The following FARP1 variants were observed in gnomAD, a reference collection of about 807,000 sequenced individuals.
The protein encoded by FARP1 is FERM, ARH/RhoGEF and pleckstrin domain protein 1.
A neutral mutation model predicts 128.8 loss-of-function variants in FARP1; 52 were observed. The ratio of observed to expected loss-of-function variants is 0.40; its 90% CI spans 0.32 to 0.51. The LOEUF (loss-of-function observed/expected upper bound fraction) is 0.51. FARP1 is among the 20% of genes least tolerant of loss of function. FARP1 has a pLI of 0.45. For synonymous variants in FARP1, 580 were observed against 551.8 expected (o/e 1.05, Z -0.72); for missense variants, 1,333 against 1,367.9 (o/e 0.97, Z 0.40).
chr13:98,185,054 A>G (rs1432788986), intron 1 of FARP1, among the ~76,000 whole-genome samples: 1 of 152,228 alleles, frequency 6.6e-6, no homozygotes, highest in Non-Finnish European at 1.5e-5. Flanking sequence ...GCACATTCCT[A>G]TGTAGTATTG....
intron 6 of FARP1, among the ~76,000 whole-genome samples, chr13:98,379,640 C>T (rs768693327): frequency 1.3e-5 from 2 of 152,160 alleles, no homozygotes; most frequent in Admixed American, 6.5e-5. Context: ...AGGATGCTCA[C>T]GTCCCTGATA....
intron 2 of FARP1, among the ~76,000 whole-genome samples, chr13:98,235,043 A>G (rs1882337652): frequency 6.6e-6 from 1 of 152,210 alleles, no homozygotes; most frequent in African/African-American, 2.4e-5. Context: ...TCCCTCATTG[A>G]GTAATAAAAA....
rs9582210 is a variant in FARP1 at position 98,312,616 on chromosome 13, C to G, written c.172-31146C>G. Reference sequence around the variant, plus strand: ...CCCACCGGAAAAGAGGTCAGTATAGCTCAGTGGAATAATTAGTACACCCAG... The same window carrying G: ...CCCACCGGAAAAGAGGTCAGTATAGGTCAGTGGAATAATTAGTACACCCAG... On this transcript the variant is annotated intron_variant, in intron 2 of 26. Coordinates refer to ENST00000319562, the MANE Select transcript of FARP1 (RefSeq NM_005766.4). Among the ~76,000 whole-genome samples the G allele has an allele frequency of 4.8e-3, 733 of 152,210 alleles. 11 individuals carry two copies. The highest frequency in any genetic ancestry group is 0.017 in the African/African-American group (702 of 41,520).
At chr13:98,358,550 C>G (rs1420664171) in intron 3 of FARP1, among the ~76,000 whole-genome samples, 1 of 151,990 alleles carries the variant, frequency 6.6e-6, no homozygotes, top group Non-Finnish European at 1.5e-5. Context: ...TTAAATATAA[C>G]CAAATGTAAA....
At chr13:98,326,581 T>C (rs10492708) in intron 2 of FARP1, among the ~76,000 whole-genome samples, 4,333 of 152,310 alleles carry the variant, frequency 0.028, 177 homozygotes, top group African/African-American at 0.096. Context: ...TTCACTACAA[T>C]TGGGACTAAT....
At chr13:98,291,565 A>G (rs1370849808) in intron 2 of FARP1, among the ~76,000 whole-genome samples, 1 of 152,178 alleles carries the variant, frequency 6.6e-6, no homozygotes, top group Admixed American at 6.5e-5. Flanking sequence ...CAAACCTGCA[A>G]AGGAACTATC....
At chr13:98,292,236 G>C (rs895853074) in intron 2 of FARP1, among the ~76,000 whole-genome samples, 4 of 152,208 alleles carry the variant, frequency 2.6e-5, no homozygotes, top group Non-Finnish European at 5.9e-5. Context: ...AAGACCCACT[G>C]AATTCAATAC....
intron 19 of FARP1, 34 bp downstream of exon 19, chr13:98,435,740 G>A: frequency 3.1e-6 from 5 of 1,611,418 alleles, no homozygotes; most frequent in Non-Finnish European, 4.2e-6. Context: ...GCACTGCGCG[G>A]GGAGCAGAAA....
intron 2 of FARP1, among the ~76,000 whole-genome samples, chr13:98,225,044 G>C (rs1881677572): frequency 6.6e-6 from 1 of 152,170 alleles, no homozygotes; most frequent in African/African-American, 2.4e-5. Context: ...TTTCTAGACG[G>C]TCTTAGCAGT....
intron 2 of FARP1, among the ~76,000 whole-genome samples, chr13:98,264,701 A>T (rs1369575217): frequency 6.6e-6 from 1 of 152,258 alleles, no homozygotes; most frequent in Admixed American, 6.5e-5. Flanking sequence ...TAAGAATTCT[A>T]TAGTAAGAAT....
intron 2 of FARP1, among the ~76,000 whole-genome samples, chr13:98,217,117 C>T (rs1881107251): frequency 6.6e-6 from 1 of 152,172 alleles, no homozygotes; most frequent in Admixed American, 6.5e-5. Context: ...TTCCCACTGA[C>T]ATTAGTAGGA....
At position 98,455,128 on chromosome 13, in the gene FARP1, T is replaced by C. The variant is rs1893392184; in HGVS notation, c.*6811T>C. 6.6e-6 allele frequency: 1 copy of C among 152,242 alleles called. No individual in the cohort carries two copies. 9.4% of individuals were successfully genotyped at this position (152,242 alleles called of 1,614,324 possible). On this transcript the variant is annotated 3_prime_UTR_variant, in exon 27 of 27. Coordinates refer to ENST00000319562, the MANE Select transcript of FARP1 (RefSeq NM_005766.4). ...AAATGTAAAATACCTTATTGATGAT[T>C]GTTGTTATTAATGTTGAAATAATAC...
rs541594839 is a variant in FARP1, at chr13:98,216,275, T to C, written c.171+2862T>C. 8.5e-4 allele frequency among the ~76,000 whole-genome samples: 130 copies of C among 152,338 alleles called. 1 individual carries two copies. The highest frequency in any genetic ancestry group is 3.4e-3 in the Middle Eastern group (1 of 294). On this transcript the variant is annotated intron_variant, in intron 2 of 26. Transcript: ENST00000319562. ...AGCAGCAGCTGAAAGGCATGGGGGCTGGCTGTGATGGCCCAGTCATCAGGG... is the reference window on the plus strand; with the variant it reads ...AGCAGCAGCTGAAAGGCATGGGGGCCGGCTGTGATGGCCCAGTCATCAGGG...
intron 2 of FARP1, among the ~76,000 whole-genome samples, chr13:98,284,050 G>T (rs1445613220): frequency 6.6e-6 from 1 of 152,216 alleles, no homozygotes; most frequent in Non-Finnish European, 1.5e-5. Context: ...TCATGTGGCT[G>T]GTGGCTGCCA....
At chr13:98,244,400 T>C (rs527541588) in intron 2 of FARP1, 4 of 1,166,362 alleles carry the variant, frequency 3.4e-6, no homozygotes, top group Non-Finnish European at 4.8e-6. Flanking sequence ...TCCAAAACTT[T>C]GCTGTGTCTC....
At chr13:98,404,793 T>G (rs1047458474) in intron 13 of FARP1, 3 of 152,228 alleles carry the variant, frequency 2.0e-5, no homozygotes, top group Admixed American at 6.5e-5. Flanking sequence ...AATTGCACTT[T>G]AAAATTTTGG....
In FARP1 at chr13:98,452,912, G is replaced by A. The variant is rs1310269952; in HGVS notation, c.*4595G>A. On this transcript the variant is annotated 3_prime_UTR_variant, in exon 27 of 27. Coordinates refer to ENST00000319562, the MANE Select transcript of FARP1 (RefSeq NM_005766.4). ...ACTTTCCTGGAATATGTGCACTATG[G>A]TTAAAATTAAAAACAAAAGTAATAA... is the stretch of plus-strand genomic sequence containing the variant. The A allele has an allele frequency of 2.3e-5, 9 of 398,584 alleles. No individual in the cohort carries two copies. The East Asian group carries it at 3.5e-4, about 15-fold the overall frequency. 24.7% of individuals were successfully genotyped at this position (398,584 alleles called of 1,614,324 possible).
intron 2 of FARP1, among the ~76,000 whole-genome samples, chr13:98,227,502 T>C (rs1881865313): frequency 6.6e-6 from 1 of 150,386 alleles, no homozygotes; most frequent in Non-Finnish European, 1.5e-5. Flanking sequence ...TATGGAGAAA[T>C]TGGTACTCTG....
At chr13:98,331,915 G>A (rs1180807370) in intron 2 of FARP1, 2 of 152,148 alleles carry the variant, frequency 1.3e-5, no homozygotes, top group Non-Finnish European at 2.9e-5. Flanking sequence ...TGTTGAAAAT[G>A]ACATCAAAGT....
Sources: allele counts gnomAD v4.1 joint callset (sites outside exome capture counted in the v4.1 genomes callset), GRCh38; gene constraint gnomAD v4.1.1; transcripts MANE v1.5; gene names NCBI Gene and HGNC (gene_info 2026-07-23, HGNC 2026-07-21).